ADAMTS3: variants seen among roughly 807,000 people sequenced by gnomAD.
ADAMTS3 encodes ADAM metallopeptidase with thrombospondin type 1 motif 3.
In ADAMTS3, 73 loss-of-function variants were observed where a neutral mutation model predicts 129.0. That is an observed-to-expected ratio of 0.57 (90% CI 0.47 to 0.69). The LOEUF is 0.69. Ranked by LOEUF, ADAMTS3 falls within the 30% of genes least tolerant of loss-of-function variation. The pLI is 0.00. For missense variants in ADAMTS3, 1,457 were observed against 1,514.5 expected (o/e 0.96, Z 0.63); for synonymous variants, 477 against 510.8 (o/e 0.93, Z 0.89).
intron 3 of ADAMTS3, among the ~76,000 whole-genome samples, chr4:72,492,294 C>T (rs993239709): frequency 6.6e-6 from 1 of 150,796 alleles, no homozygotes; most frequent in African/African-American, 2.4e-5. Flanking sequence ...CTTATTTATG[C>T]TAACACTAGG....
intron 3 of ADAMTS3, among the ~76,000 whole-genome samples, chr4:72,420,394 T>C (rs1722412290): frequency 6.6e-6 from 1 of 152,206 alleles, no homozygotes; most frequent in Non-Finnish European, 1.5e-5. Context: ...CCCCTAGGAC[T>C]ATGCATGGCT....
chr4:72,301,423 T>G (rs973036601), intron 17 of ADAMTS3, among the ~76,000 whole-genome samples: 9 of 151,952 alleles, frequency 5.9e-5, no homozygotes, highest in Non-Finnish European at 8.8e-5. Flanking sequence ...CTCTCGAAAC[T>G]CAACAAAAAG....
chr4:72,364,113 T>C (rs984617843), intron 4 of ADAMTS3, among the ~76,000 whole-genome samples: 8 of 152,054 alleles, frequency 5.3e-5, no homozygotes, highest in African/African-American at 1.7e-4. Context: ...CTAGGAATCA[T>C]CCAGTCCATA....
At chr4:72,510,941 G>A (rs1353954101) in intron 3 of ADAMTS3, among the ~76,000 whole-genome samples, 1 of 151,406 alleles carries the variant, frequency 6.6e-6, no homozygotes, top group East Asian at 1.9e-4. Context: ...ACAGACCAAT[G>A]GAACAGAATA....
chr4:72,363,216 G>T (rs762478199), intron 4 of ADAMTS3, among the ~76,000 whole-genome samples: 1 of 152,038 alleles, frequency 6.6e-6, no homozygotes, highest in East Asian at 1.9e-4. Context: ...CATATATACC[G>T]CTGATGATCC....
chr4:72,446,915 C>A (rs1718267458), intron 3 of ADAMTS3, among the ~76,000 whole-genome samples: 1 of 151,596 alleles, frequency 6.6e-6, no homozygotes, highest in African/African-American at 2.4e-5. Context: ...AGTCTGCCAA[C>A]TCAAATTTAA....
chr4:72,474,640 A>T (rs1719175836), intron 3 of ADAMTS3, among the ~76,000 whole-genome samples: 1 of 152,234 alleles, frequency 6.6e-6, no homozygotes, highest in African/African-American at 2.4e-5. Flanking sequence ...GTAAAATGAC[A>T]ACATCAGTAG....
chr4:72,357,326 T>C (rs773211799), intron 4 of ADAMTS3, among the ~76,000 whole-genome samples: 3 of 151,954 alleles, frequency 2.0e-5, no homozygotes, highest in Admixed American at 6.6e-5. Context: ...ACAAAAATAT[T>C]TGTAACTATT....
chr4:72,309,819 T>C (rs1719185191), intron 14 of ADAMTS3, among the ~76,000 whole-genome samples: 1 of 152,112 alleles, frequency 6.6e-6, no homozygotes, highest in South Asian at 2.1e-4. Context: ...TAGCTGATGC[T>C]GAGGAGACAA....
chr4:72,525,939 A>G lies in ADAMTS3; in HGVS notation c.504+22539T>C, dbSNP rs1443758105. On this transcript the variant is annotated intron_variant, in intron 3 of 21. Coordinates refer to ENST00000286657, the MANE Select transcript of ADAMTS3 (RefSeq NM_014243.3). ...TCCCCATGTACCTGTGAATAGCACA[A>G]ATCAAATTCCCCCTTAAGAAAAACA... Among the ~76,000 whole-genome samples, 4 of 152,294 alleles carry G rather than the reference A, an allele frequency of 2.6e-5. No individual in the cohort carries two copies. The East Asian group carries it at 7.7e-4, about 29-fold the overall frequency.
chr4:72,528,189 ATC>A (rs1004902828), intron 3 of ADAMTS3, among the ~76,000 whole-genome samples: 2 of 150,928 alleles, frequency 1.3e-5, no homozygotes, highest in South Asian at 2.1e-4. Flanking sequence ...TATTTTTATG[ATC>A]TCTCTTTTTT....
At chr4:72,325,049 C>T (rs547282966) in intron 5 of ADAMTS3, among the ~76,000 whole-genome samples, 6 of 151,480 alleles carry the variant, frequency 4.0e-5, no homozygotes, top group African/African-American at 9.7e-5. Context: ...GCAAACAAAT[C>T]GCTAAAAAAT....
In ADAMTS3 at chr4:72,295,651, T is replaced by A; in HGVS notation, c.2723+3A>T. 1 of 1,606,964 alleles carries A rather than the reference T, an allele frequency of 6.2e-7. No homozygotes were observed. Among genetic ancestry groups the A allele is most frequent in the Non-Finnish European group, 8.5e-7 (1 of 1,176,368 alleles). On this transcript the variant is annotated splice_donor_region_variant and intron_variant, in intron 19 of 21. Coordinates refer to ENST00000286657, the MANE Select transcript of ADAMTS3 (RefSeq NM_014243.3). Reference sequence around the variant, plus strand: ...AGATATGATAGTTAAAATAGATGCTTACAGTGGATGTGTACACTCTTGAAT... The same window carrying A: ...AGATATGATAGTTAAAATAGATGCTAACAGTGGATGTGTACACTCTTGAAT...
chr4:72,527,189 T>G lies in ADAMTS3; in HGVS notation c.504+21289A>C, dbSNP rs1720839057. Among the ~76,000 whole-genome samples, 3 of 152,152 alleles carry G rather than the reference T, an allele frequency of 2.0e-5. No homozygotes were observed. In the South Asian group the frequency reaches 6.2e-4, roughly 32 times the overall value. On this transcript the variant is annotated intron_variant, in intron 3 of 21. Transcript: ENST00000286657. ...CCCTGTCGTCTCCTTGTGCTCTTAC[T>G]TCTCAAAATGGGCTTGACAGGTACT...
At chr4:72,427,405 A>G (rs79294979) in intron 3 of ADAMTS3, among the ~76,000 whole-genome samples, 5,557 of 152,184 alleles carry the variant, frequency 0.037, 123 homozygotes, top group Non-Finnish European at 0.048. Flanking sequence ...GGTATCAACC[A>G]CAGCCAGTTA....
At position 72,502,695 on chromosome 4, in the gene ADAMTS3, T is replaced by A. The variant is rs56209574; in HGVS notation, c.504+45783A>T. Among the ~76,000 whole-genome samples, 1,462 of 152,242 alleles carry A rather than the reference T, an allele frequency of 9.6e-3. 27 individuals are homozygous for A. Among genetic ancestry groups the A allele is most frequent in the African/African-American group, 0.034 (1,396 of 41,546 alleles). On this transcript the variant is annotated intron_variant, in intron 3 of 21. Coordinates refer to ENST00000286657, the MANE Select transcript of ADAMTS3 (RefSeq NM_014243.3). The stretch of plus-strand genomic sequence containing the variant: ...TAGTTCCCCTAAGTTCAATGTTAGA[T>A]CATTAATTTGAGATCTTGCTAACTT...
Position 72,414,342 on chromosome 4 carries a change from C to T in ADAMTS3, c.661+473G>A, listed in dbSNP as rs1206193789. ...GAAGAATTTCATTCATTGTCTCCTCCATCTAGTAAAAGTTTTGCCAAATAG... is the reference window on the plus strand; with the variant it reads ...GAAGAATTTCATTCATTGTCTCCTCTATCTAGTAAAAGTTTTGCCAAATAG... On this transcript the variant is annotated intron_variant, in intron 4 of 21. Coordinates refer to ENST00000286657, the MANE Select transcript of ADAMTS3 (RefSeq NM_014243.3). 2.0e-5 allele frequency among the ~76,000 whole-genome samples: 3 copies of T among 151,258 alleles called. No homozygotes were observed. The Admixed American group carries it at 2.0e-4, about 10-fold the overall frequency.
rs150085294 is a variant in ADAMTS3, at chr4:72,547,704, C to T, written c.504+774G>A. ...TAAATACAATTTGATAAAATAAAAA[C>T]TAATTACTAGAATAATAAAATGAAA... On this transcript the variant is annotated intron_variant, in intron 3 of 21. Coordinates refer to ENST00000286657, the MANE Select transcript of ADAMTS3 (RefSeq NM_014243.3). Among the ~76,000 whole-genome samples, 927 of 152,182 alleles carry T rather than the reference C, an allele frequency of 6.1e-3. 2 individuals are homozygous for T. The highest frequency in any genetic ancestry group is 0.021 in the African/African-American group (891 of 41,520).
At chr4:72,453,797 G>C (rs1224817856) in intron 3 of ADAMTS3, among the ~76,000 whole-genome samples, 1 of 151,336 alleles carries the variant, frequency 6.6e-6, no homozygotes, top group South Asian at 2.1e-4. Flanking sequence ...TGGAAATTAA[G>C]TCATAATAAG....
Sources: gnomAD v4.1 joint callset for allele counts (sites outside exome capture counted in the v4.1 genomes callset) on GRCh38, gnomAD v4.1.1 for gene constraint, MANE v1.5 for transcripts, NCBI Gene and HGNC (gene_info 2026-07-23, HGNC 2026-07-21) for gene names.